PIP5K1C: variants seen among roughly 807,000 people sequenced by gnomAD.
The protein encoded by PIP5K1C is phosphatidylinositol 4-phosphate 5-kinase type-1 gamma.
Under a neutral mutation model 80.1 loss-of-function variants are expected in PIP5K1C, and 45 were observed. That is an observed-to-expected ratio of 0.56 (90% CI 0.44 to 0.72). The LOEUF is 0.72. PIP5K1C is among the 30% of genes least tolerant of loss of function. The pLI is 0.00. For missense variants in PIP5K1C, 753 were observed against 954.6 expected, an observed-to-expected ratio of 0.79 and a Z score of 2.78; for synonymous variants, 498 against 420.1, an observed-to-expected ratio of 1.19 and a Z score of -2.27.
chr19:3,694,801 T>C (rs1054208243), intron 1 of PIP5K1C, among the ~76,000 whole-genome samples: 2 of 151,996 alleles, frequency 1.3e-5, no homozygotes, highest in Admixed American at 6.6e-5. Flanking sequence ...TCCCTCCGAG[T>C]CCTCAGCTGC....
At chr19:3,663,820 T>G (rs930104237) in intron 3 of PIP5K1C, among the ~76,000 whole-genome samples, 5 of 152,166 alleles carry the variant, frequency 3.3e-5, no homozygotes, top group Non-Finnish European at 7.3e-5. Flanking sequence ...GTTTGCGAGT[T>G]TCTCAAAAGA....
chr19:3,688,251 G>A lies in PIP5K1C; in HGVS notation c.94+12046C>T, dbSNP rs926487013. On this transcript the variant is annotated intron_variant, in intron 1 of 17. Coordinates refer to ENST00000335312, the MANE Select transcript of PIP5K1C (RefSeq NM_012398.3). The surrounding 1 kb of genome is among the most constrained non-coding windows in gnomAD (Gnocchi z 5.3). ...CCCAGCGTCCCTGTCCTCCAGGGGC[G>A]CAGCGTCCCTCCGGGGAGTACAGTG... is the stretch of plus-strand genomic sequence containing the variant. 2.0e-5 allele frequency among the ~76,000 whole-genome samples: 3 copies of A among 152,202 alleles called. No homozygotes were observed. Among genetic ancestry groups the A allele is most frequent in the Admixed American group, 6.5e-5 (1 of 15,294 alleles).
chr19:3,699,971 C>G (rs1020668509), intron 1 of PIP5K1C, among the ~76,000 whole-genome samples: 1 of 152,212 alleles, frequency 6.6e-6, no homozygotes, highest in Non-Finnish European at 1.5e-5. Context: ...CTCAGAGACC[C>G]CCGCCTCCAC....
chr19:3,649,053 AC>A (rs2034356545), intron 8 of PIP5K1C, among the ~76,000 whole-genome samples: 1 of 149,588 alleles, frequency 6.7e-6, no homozygotes, highest in Admixed American at 6.8e-5. Flanking sequence ...GTTAATTGTC[AC>A]CCGGCACCAT....
intron 1 of PIP5K1C, among the ~76,000 whole-genome samples, chr19:3,698,708 C>T (rs181799012): frequency 1.3e-5 from 2 of 152,284 alleles, no homozygotes; most frequent in African/African-American, 2.4e-5. Flanking sequence ...GAAACCATCT[C>T]GGTGAAGAAC....
At chr19:3,655,591 A>G (rs1297160325) in intron 6 of PIP5K1C, among the ~76,000 whole-genome samples, 1 of 152,248 alleles carries the variant, frequency 6.6e-6, no homozygotes, top group Non-Finnish European at 1.5e-5. Context: ...GGCAGAGCTC[A>G]GTCCTGGAGA....
chr19:3,662,442 CGCACGTG>C (rs2034864622), intron 3 of PIP5K1C, among the ~76,000 whole-genome samples: 1 of 152,244 alleles, frequency 6.6e-6, no homozygotes, highest in Admixed American at 6.5e-5. Flanking sequence ...TTCTATGTAA[CGCACGTG>C]GTCACACTGG....
At chr19:3,676,439 A>G (rs1389120768) in intron 1 of PIP5K1C, among the ~76,000 whole-genome samples, 5 of 152,178 alleles carry the variant, frequency 3.3e-5, no homozygotes, top group African/African-American at 9.7e-5. Flanking sequence ...AGAAATCACA[A>G]TGTTTTGGAG....
At chr19:3,671,293 C>T (rs2035198020) in intron 1 of PIP5K1C, among the ~76,000 whole-genome samples, 4 of 152,254 alleles carry the variant, frequency 2.6e-5, no homozygotes, top group Admixed American at 2.6e-4. Context: ...CACCCCTGCC[C>T]GGACTCTCCC....
intron 6 of PIP5K1C, among the ~76,000 whole-genome samples, chr19:3,655,290 CGCCT>C (rs891467554): frequency 6.8e-6 from 1 of 147,858 alleles, no homozygotes; most frequent in Non-Finnish European, 1.5e-5. Flanking sequence ...TGGTGGCGGG[CGCCT>C]GTAGTCCCAG....
chr19:3,697,698 G>A (rs935543669), intron 1 of PIP5K1C, among the ~76,000 whole-genome samples: 4 of 152,204 alleles, frequency 2.6e-5, no homozygotes, highest in Admixed American at 2.0e-4. Context: ...ATCAGCCGTG[G>A]GAGTGGGGCA....
intron 3 of PIP5K1C, 82 bp downstream of exon 3, chr19:3,664,740 G>T: frequency 8.5e-7 from 1 of 1,170,222 alleles, no homozygotes; most frequent in Non-Finnish European, 1.3e-6. Flanking sequence ...GGGGCGATAG[G>T]CCCCATCCAT....
chr19:3,663,999 C>A (rs1418091208), intron 3 of PIP5K1C, among the ~76,000 whole-genome samples: 2 of 152,200 alleles, frequency 1.3e-5, no homozygotes, highest in African/African-American at 4.8e-5. Flanking sequence ...AGGACAAGTG[C>A]AGCACGGGCG....
intron 1 of PIP5K1C, among the ~76,000 whole-genome samples, chr19:3,680,111 T>C (rs945517851): frequency 6.6e-6 from 1 of 152,204 alleles, no homozygotes. Context: ...GGCTAGTTCT[T>C]ACCCTGAAGA....
intron 1 of PIP5K1C, among the ~76,000 whole-genome samples, chr19:3,699,924 G>A (rs888216391): frequency 2.0e-5 from 3 of 152,204 alleles, no homozygotes; most frequent in Admixed American, 1.3e-4. Flanking sequence ...GGGACTTACA[G>A]AAAGGGAGGT....
intron 5 of PIP5K1C, among the ~76,000 whole-genome samples, chr19:3,658,062 C>T (rs919844851): frequency 2.0e-5 from 3 of 152,214 alleles, no homozygotes; most frequent in East Asian, 1.9e-4. Context: ...GACCAGAGGA[C>T]GCCGGAAACA....
Position 3,664,889 on chromosome 19 carries a change from C to G in PIP5K1C, c.152G>C (p.Gly51Ala). Residue 51 changes from glycine to alanine, a missense_variant, in exon 3 of 18, where the codon GGC (glycine) becomes GCC (alanine). This residue lies in a region of PIP5K1C where 139 missense variants were observed against 289.7 expected (regional missense o/e 0.48). Transcript: ENST00000335312. ...GCCCAACTTCTTCCCATGGCCAGGG[C>G]CCGGCTGTGCCGTCATGGACAGAAC... ...TEVLSMTAQPGPGHGKKLGHR... is the reference protein window; with the variant it reads ...TEVLSMTAQPAPGHGKKLGHR... 1.2e-6 allele frequency: 2 copies of G among 1,613,146 alleles called. No homozygotes were observed. The highest frequency in any genetic ancestry group is 1.7e-6 in the Non-Finnish European group (2 of 1,179,948).
At chr19:3,652,218 C>G (rs568547570) in intron 7 of PIP5K1C, among the ~76,000 whole-genome samples, 187 bp from the exon 8 acceptor site, 44 of 152,352 alleles carry the variant, frequency 2.9e-4, no homozygotes, top group African/African-American at 1.0e-3. Flanking sequence ...TGCGGTCACA[C>G]AGCGGCATCA....
In PIP5K1C at chr19:3,643,336, G is replaced by C; in HGVS notation, c.1556C>G (p.Ala519Gly). ...AGTCGTGGCAATGGAGGCTGTAGTG[G>C]CTTCTTCGAAAGAAGGTGGCGTGCA... ...LPCTPPSFEE[A>G]TTASIATTLS... Residue 519 changes from alanine (A) to glycine (G), a missense_variant, in exon 13 of 18, where the codon GCC becomes GGC. Physicochemically the swap from Ala to Gly is moderately conservative, Grantham distance 60 (BLOSUM62 0). This residue lies in a region of PIP5K1C where 315 missense variants were observed against 294.5 expected (regional missense o/e 1.07). Coordinates refer to ENST00000335312, the MANE Select transcript of PIP5K1C (RefSeq NM_012398.3). 1 of 1,613,938 alleles carries C rather than the reference G, an allele frequency of 6.2e-7. No homozygotes were observed. The highest frequency in any genetic ancestry group is 8.5e-7 in the Non-Finnish European group (1 of 1,179,966).
Sources: allele counts gnomAD v4.1 joint callset (sites outside exome capture counted in the v4.1 genomes callset), GRCh38; gene constraint gnomAD v4.1.1; regional missense constraint gnomAD v4.1.1; non-coding constraint Gnocchi (gnomAD v3.1); transcripts MANE v1.5; gene names NCBI Gene and HGNC (gene_info 2026-07-23, HGNC 2026-07-21).